FAM118A: variants seen among roughly 807,000 people sequenced by gnomAD.
FAM118A encodes SIR2 antiphage like 2.
A neutral mutation model predicts 38.2 loss-of-function variants in FAM118A; 25 were observed. The ratio of observed to expected loss-of-function variants is 0.65; its 90% confidence interval spans 0.48 to 0.91. FAM118A has a LOEUF of 0.91. FAM118A is among the 40% of genes least tolerant of loss of function. The pLI is 0.00. For missense variants in FAM118A, 425 were observed against 463.3 expected (o/e 0.92, Z 0.76); for synonymous variants, 178 against 184.1 (o/e 0.97, Z 0.27).
rs62231137 is a variant in FAM118A at position 45,328,371 on chromosome 22, G to A, written c.522+308G>A. The A allele has an allele frequency of 1.6e-3, 2,045 of 1,316,292 alleles. 120 individuals are homozygous for A. Among genetic ancestry groups the A allele is most frequent in the Non-Finnish European group, 2.0e-3 (1,779 of 900,822 alleles). 81.5% of individuals were successfully genotyped at this position (1,316,292 alleles called of 1,614,324 possible). ...GCAGAACAAGCCCATGGAGTCCCTG[G>A]ACTTGAAGGACAAGACCAAGGTGTG... On this transcript the variant is annotated intron_variant, in intron 4 of 8. Transcript: ENST00000441876.
At chr22:45,335,106 C>A in intron 6 of FAM118A, 1 of 517,856 alleles carries the variant, frequency 1.9e-6, no homozygotes, top group South Asian at 3.1e-5. Flanking sequence ...GACAGTCATG[C>A]TAGTGATCGC....
intron 1 of FAM118A, 150 bp from the exon 2 acceptor site, chr22:45,322,221 T>C: frequency 6.5e-7 from 1 of 1,539,052 alleles, no homozygotes; most frequent in Non-Finnish European, 8.8e-7. Context: ...TGGATGTACG[T>C]CATTTGCGTA....
chr22:45,321,413 ATTTATTT>A (rs2084871099), intron 1 of FAM118A, among the ~76,000 whole-genome samples: 1 of 151,226 alleles, frequency 6.6e-6, no homozygotes, highest in Admixed American at 6.6e-5. Context: ...TTTATTTTTT[ATTTATTT>A]TTTATTTTTG....
rs545315753 is a variant in FAM118A, at chr22:45,337,003, G to T, written c.1054+592G>T. On this transcript the variant is annotated intron_variant, in intron 8 of 8. Transcript: ENST00000441876. ...TATTTGAATAGGCCTCTCTGTTGACGCTATGAAGGGCGATCTCGCTTGTTC... is the reference window on the plus strand; with the variant it reads ...TATTTGAATAGGCCTCTCTGTTGACTCTATGAAGGGCGATCTCGCTTGTTC... Among the ~76,000 whole-genome samples, 21 of 152,322 alleles carry T rather than the reference G, an allele frequency of 1.4e-4. No individual in the cohort carries two copies. The South Asian group carries it at 3.9e-3, about 29-fold the overall frequency.
In FAM118A at chr22:45,313,010, C is replaced by T. The variant is rs552041668; in HGVS notation, c.-10+2827C>T. ...GGTTAGTGGGTGGGGCTGAAAGTTC[C>T]AAGGATCTAATCCTGCCTTGGTCTT... On this transcript the variant is annotated intron_variant, in intron 1 of 8. Transcript: ENST00000441876. Among the ~76,000 whole-genome samples, 13 of 152,200 alleles carry T rather than the reference C, an allele frequency of 8.5e-5. 1 individual carries two copies. The South Asian group carries it at 2.3e-3, about 27-fold the overall frequency.
chr22:45,329,080 C>T (rs2085519458), intron 4 of FAM118A: 2 of 152,804 alleles, frequency 1.3e-5, no homozygotes, highest in African/African-American at 4.8e-5. Context: ...GATCCAAGCA[C>T]CTCCCACCAG....
chr22:45,327,712 G>A (rs970654679), intron 3 of FAM118A, 130 bp from the exon 4 acceptor site: 11 of 884,442 alleles, frequency 1.2e-5, no homozygotes, highest in African/African-American at 5.0e-5. Context: ...GGGTTGCGGC[G>A]CACGCTGTGA....
At chr22:45,320,465 C>T (rs1242103313) in intron 1 of FAM118A, among the ~76,000 whole-genome samples, 1 of 113,152 alleles carries the variant, frequency 8.8e-6, no homozygotes, top group Non-Finnish European at 1.7e-5. Flanking sequence ...AAGACAGGGT[C>T]TCACTCTGCG....
At chr22:45,334,660 C>T (rs530156724) in intron 6 of FAM118A, among the ~76,000 whole-genome samples, 4 of 152,304 alleles carry the variant, frequency 2.6e-5, no homozygotes, top group East Asian at 1.9e-4. Context: ...ATTTCATAGA[C>T]GAGATGAGCT....
chr22:45,312,006 G>T (rs575219817), intron 1 of FAM118A, among the ~76,000 whole-genome samples: 191 of 152,266 alleles, frequency 1.3e-3, no homozygotes, highest in African/African-American at 4.4e-3. Flanking sequence ...GGTGGGGAGA[G>T]GCTGAGTCTC....
At chr22:45,320,168 A>C (rs2084790072) in intron 1 of FAM118A, among the ~76,000 whole-genome samples, 1 of 152,144 alleles carries the variant, frequency 6.6e-6, no homozygotes, top group Non-Finnish European at 1.5e-5. Flanking sequence ...TACACATGTG[A>C]AAAAGTGATT....
chr22:45,312,961 T>A (rs890722515), intron 1 of FAM118A, among the ~76,000 whole-genome samples: 2 of 152,166 alleles, frequency 1.3e-5, no homozygotes, highest in Non-Finnish European at 2.9e-5. Flanking sequence ...GTGATCAACG[T>A]AATCTTTAGC....
intron 1 of FAM118A, among the ~76,000 whole-genome samples, chr22:45,320,006 A>G (rs226493): frequency 0.43 from 65,553 of 152,114 alleles, 17,468 homozygotes; most frequent in Non-Finnish European, 0.61. Flanking sequence ...GGACTTAGGT[A>G]GTTGTTTACA....
At chr22:45,316,919 C>T (rs563520367) in intron 1 of FAM118A, among the ~76,000 whole-genome samples, 1 of 152,206 alleles carries the variant, frequency 6.6e-6, no homozygotes, top group East Asian at 1.9e-4. Context: ...GAAACTTTGC[C>T]GAGTAAATGT....
rs759720500 is a variant in FAM118A at position 45,330,678 on chromosome 22, G to A, written c.598G>A (p.Val200Met). ...IHGLYTDPCG[V>M]VLDPSGYKDV... ...CGGCCTCTACACGGACCCCTGCGGG[G>A]TGGTGCTGGACCCATCGGGGTATAA... The change falls in exon 5 of 9, where the codon GTG (valine) becomes ATG (methionine). Residue 200 changes from valine to methionine, a missense_variant. Val to Met is a conservative substitution (Grantham distance 21). Transcript: ENST00000441876. 6.2e-7 allele frequency: 1 copy of A among 1,605,344 alleles called. No homozygotes were observed. Among genetic ancestry groups the A allele is most frequent in the Non-Finnish European group, 8.5e-7 (1 of 1,176,996 alleles).
intron 3 of FAM118A, among the ~76,000 whole-genome samples, chr22:45,327,058 AAAATT>A (rs1258501116): frequency 2.0e-5 from 3 of 150,638 alleles, no homozygotes; most frequent in Admixed American, 6.6e-5. Flanking sequence ...AATAATATAA[AAAATT>A]AAATTAAAAA....
Position 45,330,694 on chromosome 22 carries a change from C to T in FAM118A, c.614C>T (p.Ser205Leu), listed in dbSNP as rs775789055. 1.8e-5 allele frequency: 29 copies of T among 1,591,372 alleles called. No individual in the cohort carries two copies. The highest frequency in any genetic ancestry group is 3.7e-5 in the Admixed American group (2 of 54,056). ...CCCTGCGGGGTGGTGCTGGACCCAT[C>T]GGGGTATAAAGACGTCACTCAAGAC... ...TDPCGVVLDP[S>L]GYKDVTQDAE... Residue 205 changes from serine to leucine, a missense_variant, in exon 5 of 9, where the codon TCG becomes TTG. Ser to Leu is a moderately radical substitution (Grantham distance 145, BLOSUM62 -2). Transcript: ENST00000441876.
chr22:45,336,246 T>C lies in FAM118A; in HGVS notation c.971-82T>C, dbSNP rs534161044. On this transcript the variant is annotated intron_variant, in intron 7 of 8. Transcript: ENST00000441876. Reference sequence around the variant, plus strand: ...ATGGCAGGGTCTGCTTGGCCAGTGCTTCAGTAAGGTCACATTATGAACTGT... The same window carrying C: ...ATGGCAGGGTCTGCTTGGCCAGTGCCTCAGTAAGGTCACATTATGAACTGT... The C allele has an allele frequency of 8.1e-6, 9 of 1,109,522 alleles. No homozygotes were observed. The Admixed American group carries it at 8.2e-5, about 10-fold the overall frequency. The allele number at this position is 1,109,522 out of a possible 1,614,324, so 68.7% of individuals were successfully genotyped here. A position where few individuals can be genotyped will look rare whatever the true frequency, so the allele number is the denominator to read the frequency against.
intron 1 of FAM118A, among the ~76,000 whole-genome samples, chr22:45,311,934 ATGG>A (rs1293954691): frequency 6.6e-6 from 1 of 151,976 alleles, no homozygotes; most frequent in African/African-American, 2.4e-5. Context: ...TTAGTGCTTC[ATGG>A]TGACTGTGTG....
Sources: gnomAD v4.1 joint callset for allele counts (sites outside exome capture counted in the v4.1 genomes callset) on GRCh38, gnomAD v4.1.1 for gene constraint, MANE v1.5 for transcripts, NCBI Gene and HGNC (gene_info 2026-07-23, HGNC 2026-07-21) for gene names.